Variants in CSF2RA observed in about 807,000 individuals in gnomAD.
CSF2RA encodes the protein granulocyte-macrophage colony-stimulating factor receptor subunit alpha.
Under a neutral mutation model 51.6 loss-of-function variants are expected in CSF2RA, and 42 were observed. The ratio of observed to expected loss-of-function variants is 0.81; its 90% confidence interval spans 0.64 to 1.05. The LOEUF is 1.05. Ranked by LOEUF, CSF2RA falls within the 50% of genes least tolerant of loss-of-function variation. The pLI, the probability that CSF2RA is intolerant of heterozygous loss-of-function variation, is 0.00. For synonymous variants in CSF2RA, 222 were observed against 193.0 expected, an observed-to-expected ratio of 1.15 and a Z score of -1.24; for missense variants, 530 against 501.1, an observed-to-expected ratio of 1.06 and a Z score of -0.55.
At chrX:1,294,943 G>T (rs1466925582) in intron 8 of CSF2RA, among the ~76,000 whole-genome samples, 1 of 152,218 alleles carries the variant, frequency 6.6e-6, no homozygotes, top group Non-Finnish European at 1.5e-5. Flanking sequence ...CAACTACCTG[G>T]ACCCAGTGTA....
At chrX:1,280,784 G>C (rs1418303593) in intron 2 of CSF2RA, among the ~76,000 whole-genome samples, 1 of 139,164 alleles carries the variant, frequency 7.2e-6, no homozygotes, top group Admixed American at 7.5e-5. Context: ...TTGGATAGAA[G>C]TATATTGACA....
chrX:1,302,168 G>A (rs1214081206), intron 10 of CSF2RA, among the ~76,000 whole-genome samples: 4 of 151,844 alleles, frequency 2.6e-5, no homozygotes, highest in African/African-American at 7.3e-5. Flanking sequence ...TGCCCACCTC[G>A]CCCTCCCAAA....
intron 6 of CSF2RA, among the ~76,000 whole-genome samples, chrX:1,289,963 GT>G (rs2091218682): frequency 2.6e-5 from 2 of 76,998 alleles, no homozygotes; most frequent in Non-Finnish European, 5.7e-5. Context: ...TTTTGTGTTT[GT>G]TTTTGTTTTG....
chrX:1,272,769 G>A lies in CSF2RA; in HGVS notation c.-90-1986G>A, dbSNP rs760237665. 4.7e-5 allele frequency among the ~76,000 whole-genome samples: 7 copies of A among 148,848 alleles called. No individual in the cohort carries two copies. The East Asian group carries it at 1.2e-3, about 25-fold the overall frequency. On this transcript the variant is annotated intron_variant, in intron 1 of 12. Transcript: ENST00000381529. ...GCCTCCCAAAGTGCTGGGATTATAC[G>A]CATGAGCCACTGCACCTAGCTTCTT...
rs375789521 is a variant in CSF2RA at position 1,295,412 on chromosome X, T to G, written c.781-15T>G. The G allele has an allele frequency of 1.2e-6, 2 of 1,613,506 alleles. No homozygotes were observed. Among genetic ancestry groups the G allele is most frequent in the Non-Finnish European group, 8.5e-7 (1 of 1,179,570 alleles). On this transcript the variant is annotated splice_polypyrimidine_tract_variant and intron_variant, in intron 8 of 12. Coordinates refer to ENST00000381529, the MANE Select transcript of CSF2RA (RefSeq NM_172245.4). ...GAAACAGTGAGCCTTGTGTTGTGTT[T>G]TGTTTTGTTTCTAGAATACCCAGCC...
At position 1,282,699 on chromosome X, in the gene CSF2RA, G is replaced by C. The variant is rs748398485; in HGVS notation, c.-5G>C. The C allele has an allele frequency of 6.2e-7, 1 of 1,611,810 alleles. No individual in the cohort carries two copies. The highest frequency in any genetic ancestry group is 8.5e-7 in the Non-Finnish European group (1 of 1,177,974). On this transcript the variant is annotated 5_prime_UTR_variant, in exon 3 of 13. Coordinates refer to ENST00000381529, the MANE Select transcript of CSF2RA (RefSeq NM_172245.4). ...GCAGCTCTTCCCTTCTCTCTGACCA[G>C]CACCATGCTTCTCCTGGTGACAAGC... is the stretch of plus-strand genomic sequence containing the variant.
intron 2 of CSF2RA, among the ~76,000 whole-genome samples, chrX:1,281,244 CTCCTCTTCCTT>C (rs2090015034): frequency 1.5e-5 from 2 of 136,720 alleles, no homozygotes; most frequent in African/African-American, 5.5e-5. Flanking sequence ...ACTCCTCCTT[CTCCTCTTCCTT>C]CTTCTCCTCC....
intron 2 of CSF2RA, among the ~76,000 whole-genome samples, chrX:1,275,972 C>A (rs1307062734): frequency 6.6e-6 from 1 of 151,730 alleles, no homozygotes; most frequent in African/African-American, 2.4e-5. Context: ...GGATTACAGG[C>A]GTAAGCCACA....
intron 1 of CSF2RA, 76 bp downstream of exon 1, chrX:1,268,955 G>A (rs2087963040): frequency 2.2e-6 from 1 of 447,920 alleles, no homozygotes; most frequent in Non-Finnish European, 4.5e-6. Flanking sequence ...TGTGTCTGTC[G>A]ATAGAAAAGA....
intron 9 of CSF2RA, among the ~76,000 whole-genome samples, chrX:1,297,702 T>G (rs866755319): frequency 6.9e-5 from 1 of 14,490 alleles, no homozygotes; most frequent in Admixed American, 5.9e-4. Context: ...AGTCTCCTAC[T>G]CATGACCCCT....
intron 12 of CSF2RA, among the ~76,000 whole-genome samples, chrX:1,306,264 CAGAG>C (rs1201671190): frequency 1.3e-5 from 2 of 151,520 alleles, no homozygotes; most frequent in Non-Finnish European, 1.5e-5. Context: ...GACAGAGAAA[CAGAG>C]AGAGGGAGGG....
At chrX:1,272,211 C>G (rs1371188848) in intron 1 of CSF2RA, among the ~76,000 whole-genome samples, 1 of 151,906 alleles carries the variant, frequency 6.6e-6, no homozygotes, top group East Asian at 1.9e-4. Context: ...GCCTCGGCCT[C>G]CCAGTGTGCT....
chrX:1,323,209 A>G, the CSF2RA span, among the ~76,000 whole-genome samples: 2 of 151,620 alleles, frequency 1.3e-5, no homozygotes, highest in Non-Finnish European at 3.0e-5. Flanking sequence ...TGCAGATGTA[A>G]TGAAGTAAAG....
chrX:1,316,824 G>A, the CSF2RA span, among the ~76,000 whole-genome samples: 135 of 152,350 alleles, frequency 8.9e-4, no homozygotes, highest in Middle Eastern at 6.8e-3. Context: ...ACCAGCAGCC[G>A]ACGCCCCAGA....
At position 1,307,791 on chromosome X, in the gene CSF2RA, CTT is replaced by C. The variant is rs2083798492; in HGVS notation, c.1126-1607_1126-1606del. Reference sequence around the variant, plus strand: ...CTGATTAGATGAGGCCCACCTTTCCCTTTTTAGACCTTTGACTGATTAGATGA... The same window carrying C: ...CTGATTAGATGAGGCCCACCTTTCCCTTTAGACCTTTGACTGATTAGATGA... On this transcript the variant is annotated intron_variant, in intron 12 of 12. Transcript: ENST00000381529. Among the ~76,000 whole-genome samples the C allele has an allele frequency of 5.7e-5, 8 of 141,294 alleles. 2 individuals are homozygous for C. The highest frequency in any genetic ancestry group is 5.0e-4 in the Admixed American group (7 of 14,106). The allele number at this position is 141,294 out of a possible 152,430, so 92.7% of individuals were successfully genotyped here.
At chrX:1,287,691 G>A (rs57249706) in intron 4 of CSF2RA, among the ~76,000 whole-genome samples, 49,972 of 129,702 alleles carry the variant, frequency 0.39, 9,267 homozygotes, top group Middle Eastern at 0.48. Flanking sequence ...TGATCCACCC[G>A]CCTCGGCCTC....
Position 1,275,306 on chromosome X carries a change from G to A in CSF2RA, c.-27+488G>A, listed in dbSNP as rs1464018882. On this transcript the variant is annotated intron_variant, in intron 2 of 12. Coordinates refer to ENST00000381529, the MANE Select transcript of CSF2RA (RefSeq NM_172245.4). ...CTCCGGAGGCCGAGGCAGGAGAATC[G>A]CTTGAACCCAGGAGGCGTAGGTTGC... Among the ~76,000 whole-genome samples the A allele has an allele frequency of 1.3e-5, 2 of 151,858 alleles. 1 individual carries two copies. The highest frequency in any genetic ancestry group is 2.9e-5 in the Non-Finnish European group (2 of 67,950).
intron 10 of CSF2RA, among the ~76,000 whole-genome samples, chrX:1,301,289 G>A (rs192739407): frequency 0.034 from 4,416 of 128,236 alleles, 121 homozygotes; most frequent in African/African-American, 0.083. Context: ...CTGGGGTCAC[G>A]CCATTGCACT....
intron 6 of CSF2RA, 154 bp downstream of exon 6, chrX:1,289,042 A>G (rs1276424648): frequency 1.0e-6 from 1 of 996,438 alleles, no homozygotes; most frequent in Non-Finnish European, 1.5e-6. Flanking sequence ...GCTCACTGCA[A>G]CCTCGACCTC....
Sources: gnomAD v4.1 joint callset for allele counts (sites outside exome capture counted in the v4.1 genomes callset) on GRCh38, gnomAD v4.1.1 for gene constraint, MANE v1.5 for transcripts, NCBI Gene and HGNC (gene_info 2026-07-23, HGNC 2026-07-21) for gene names.